The following OTUD7B variants were observed in gnomAD, a reference collection of about 807,000 sequenced individuals.
The protein encoded by OTUD7B is OTU domain-containing protein 7B.
A neutral mutation model predicts 82.2 loss-of-function variants in OTUD7B; 34 were observed. That is an observed-to-expected ratio of 0.41 (90% CI 0.31 to 0.55). The LOEUF is 0.55. Among genes scored for constraint, OTUD7B ranks in the 20% least tolerant of loss-of-function variants. The pLI, the probability that OTUD7B is intolerant of heterozygous loss-of-function variation, is 0.20. For missense variants in OTUD7B, 944 were observed against 1,062.1 expected, an observed-to-expected ratio of 0.89 and a Z score of 1.55; for synonymous variants, 398 against 402.7, an observed-to-expected ratio of 0.99 and a Z score of 0.14.
intron 1 of OTUD7B, among the ~76,000 whole-genome samples, chr1:149,985,179 G>A (rs1025250560): frequency 5.3e-5 from 8 of 152,112 alleles, no homozygotes; most frequent in Non-Finnish European, 8.8e-5. Context: ...AGGCCGAGGC[G>A]GGCAGATCAC....
At chr1:150,062,523 CTG>C in the OTUD7B span, among the ~76,000 whole-genome samples, 4 of 152,044 alleles carry the variant, frequency 2.6e-5, no homozygotes, top group Non-Finnish European at 4.4e-5. Flanking sequence ...TCTTTTCTAC[CTG>C]TGTTAGCTAG....
At chr1:150,032,741 T>C in the OTUD7B span, among the ~76,000 whole-genome samples, 1 of 152,016 alleles carries the variant, frequency 6.6e-6, no homozygotes, top group Non-Finnish European at 1.5e-5. Flanking sequence ...AAGTATACCA[T>C]GAGTATCTTC....
chr1:150,064,000 A>ATATATCATTTGT, the OTUD7B span, among the ~76,000 whole-genome samples: 34 of 152,340 alleles, frequency 2.2e-4, no homozygotes, highest in African/African-American at 7.9e-4. Flanking sequence ...ATCAAGTCTT[A>ATATATCATTTGT]ATGGAAATTA....
intron 6 of OTUD7B, chr1:149,963,288 TAA>T (rs1341231391): frequency 6.6e-6 from 1 of 151,618 alleles, no homozygotes; most frequent in African/African-American, 2.4e-5. Flanking sequence ...TAGATATACA[TAA>T]AGAGCAGGAG....
chr1:150,047,877 G>A, the OTUD7B span: 1 of 152,044 alleles, frequency 6.6e-6, no homozygotes, highest in African/African-American at 2.4e-5. Flanking sequence ...GCTTGAATCT[G>A]GGAGGCAGAG....
At chr1:149,993,382 T>C (rs1357533323) in intron 1 of OTUD7B, among the ~76,000 whole-genome samples, 2 of 152,182 alleles carry the variant, frequency 1.3e-5, no homozygotes, top group East Asian at 3.8e-4. Flanking sequence ...AGGGGATGCA[T>C]CAGCCAATAA....
At chr1:149,953,610 T>C (rs1275441746) in intron 7 of OTUD7B, among the ~76,000 whole-genome samples, 8 of 152,214 alleles carry the variant, frequency 5.3e-5, no homozygotes, top group Non-Finnish European at 8.8e-5. Context: ...TTGATGGGGA[T>C]GGCACTGAGT....
At chr1:149,996,902 G>A (rs1651960318) in intron 1 of OTUD7B, among the ~76,000 whole-genome samples, 1 of 152,084 alleles carries the variant, frequency 6.6e-6, no homozygotes, top group Non-Finnish European at 1.5e-5. Flanking sequence ...TATCATCATG[G>A]GCCATACCTA....
chr1:149,994,326 T>C (rs1000198627), intron 1 of OTUD7B, among the ~76,000 whole-genome samples: 3 of 152,102 alleles, frequency 2.0e-5, no homozygotes, highest in Non-Finnish European at 2.9e-5. Flanking sequence ...CTCACGCCTA[T>C]AATCCCAGCA....
At chr1:150,060,476 G>C in the OTUD7B span, among the ~76,000 whole-genome samples, 2 of 152,106 alleles carry the variant, frequency 1.3e-5, no homozygotes, top group Non-Finnish European at 2.9e-5. Context: ...TTTGACACTT[G>C]ACCTTAGACA....
chr1:150,053,462 T>C, the OTUD7B span, among the ~76,000 whole-genome samples: 16 of 151,614 alleles, frequency 1.1e-4, no homozygotes, highest in Non-Finnish European at 2.2e-4. Context: ...AGTGGCACAC[T>C]CTCGGCTCAC....
rs1649004786 is a variant in OTUD7B, at chr1:149,959,799, G to A, written c.733-3C>T. 6.2e-7 allele frequency: 1 copy of A among 1,600,960 alleles called. No homozygotes were observed. On this transcript the variant is annotated splice_region_variant and splice_polypyrimidine_tract_variant and intron_variant, in intron 6 of 11. Transcript: ENST00000581312. ...TCTTCTGTGTATACCAGCCCTGACT[G>A]TGTGAAGGACAGGCAGGGGACATTG...
At chr1:150,048,308 C>T in the OTUD7B span, 3 of 152,116 alleles carry the variant, frequency 2.0e-5, no homozygotes, top group Admixed American at 6.5e-5. Context: ...ACCCATTCAT[C>T]GATAGAAAGG....
intron 7 of OTUD7B, among the ~76,000 whole-genome samples, chr1:149,952,134 T>C (rs587772011): frequency 1.3e-5 from 2 of 152,242 alleles, no homozygotes; most frequent in East Asian, 3.9e-4. Flanking sequence ...TATGCCACGT[T>C]GGTGTGCTGC....
intron 2 of OTUD7B, among the ~76,000 whole-genome samples, chr1:149,975,064 C>T (rs892787702): frequency 3.3e-5 from 5 of 152,120 alleles, no homozygotes; most frequent in African/African-American, 1.2e-4. Flanking sequence ...ATTCTTACTA[C>T]CTCATTATTA....
Position 149,944,320 on chromosome 1 carries a change from G to C in OTUD7B, c.2069C>G (p.Thr690Ser), listed in dbSNP as rs782242001. The C allele has an allele frequency of 6.2e-7, 1 of 1,611,422 alleles. No individual in the cohort carries two copies. The highest frequency in any genetic ancestry group is 8.5e-7 in the Non-Finnish European group (1 of 1,178,246). ...GATAGTAAAGTCCCCAGGGTAGCCAGTGGAAAATGCCATTGCCCTGGACTC... is the reference window on the plus strand; with the variant it reads ...GATAGTAAAGTCCCCAGGGTAGCCACTGGAAAATGCCATTGCCCTGGACTC... ...PAESRAMAFS[T>S]GYPGDFTIPR... Residue 690 changes from threonine to serine, a missense_variant, in exon 12 of 12, where the codon ACT (threonine) becomes AGT (serine). Thr to Ser is a moderately conservative substitution (Grantham distance 58). Around this residue, in one of 3 missense-constraint regions of OTUD7B, gnomAD observed 412 missense variants for 418.7 expected, o/e 0.98. Coordinates refer to ENST00000581312, the MANE Select transcript of OTUD7B (RefSeq NM_020205.4).
At chr1:150,063,548 T>C in the OTUD7B span, among the ~76,000 whole-genome samples, 2 of 152,202 alleles carry the variant, frequency 1.3e-5, no homozygotes, top group Non-Finnish European at 2.9e-5. Context: ...AACTTATTTG[T>C]AATAAAAAGT....
rs199956766 is a variant in OTUD7B, at chr1:149,949,005, C to G, written c.1202G>C (p.Trp401Ser). 1 of 1,613,874 alleles carries G rather than the reference C, an allele frequency of 6.2e-7. No individual in the cohort carries two copies. Among genetic ancestry groups the G allele is most frequent in the South Asian group, 1.1e-5 (1 of 91,084 alleles). The change falls in exon 10 of 12, where the codon TGG becomes TCG. Residue 401 changes from tryptophan (W) to serine (S), a missense_variant. By Grantham distance (177) the Trp-to-Ser change is radical (BLOSUM62 -3). Around this residue, in one of 3 missense-constraint regions of OTUD7B, gnomAD observed 530 missense variants for 625.6 expected, o/e 0.85. Transcript: ENST00000581312. ...GACATTGTCACTATCATCTTTGCCC[C>G]ACTCCCAGCCCTTTCCAGGGTCCAC... ...FAVDPGKGWE[W>S]GKDDSDNVRL...
At chr1:149,996,413 T>C (rs1403475520) in intron 1 of OTUD7B, among the ~76,000 whole-genome samples, 2 of 152,258 alleles carry the variant, frequency 1.3e-5, no homozygotes, top group African/African-American at 4.8e-5. Flanking sequence ...CCTATTTTTA[T>C]GCCTTTATAT....
Sources: allele counts gnomAD v4.1 joint callset (sites outside exome capture counted in the v4.1 genomes callset), GRCh38; gene constraint gnomAD v4.1.1; regional missense constraint gnomAD v4.1.1; transcripts MANE v1.5; gene names NCBI Gene and HGNC (gene_info 2026-07-23, HGNC 2026-07-21).